The following PGM2 variants were observed in gnomAD, a reference collection of about 807,000 sequenced individuals.
The protein encoded by PGM2 is phosphoglucomutase 2.
PGM2 carries 57 observed loss-of-function variants against 74.6 expected under a neutral mutation model. The observed-to-expected ratio is 0.76, with a 90% CI of 0.62 to 0.95. PGM2 has a LOEUF of 0.95. Among genes scored for constraint, PGM2 ranks in the 40% least tolerant of loss-of-function variants. The pLI is 0.00. For missense variants in PGM2, 706 were observed against 741.9 expected (o/e 0.95, Z 0.56); for synonymous variants, 273 against 260.7 (o/e 1.05, Z -0.46).
chr4:37,855,781 A>G (rs370152276), intron 13 of PGM2, 40 bp downstream of exon 13: 36 of 1,549,802 alleles, frequency 2.3e-5, no homozygotes, highest in Non-Finnish European at 2.8e-5. Flanking sequence ...TTTACTCCCC[A>G]GACTTCCTAA....
rs71190924 is a variant in PGM2 at position 37,841,115 on chromosome 4, T to TG, written c.719+856_719+857insG. On this transcript the variant is annotated intron_variant, in intron 6 of 13. Coordinates refer to ENST00000381967, the MANE Select transcript of PGM2 (RefSeq NM_018290.4). ...ATATATATATATGTGTGTGTGTGTGTTTGTATATGTATAATATACTTCAAA... is the reference window on the plus strand; with the variant it reads ...ATATATATATATGTGTGTGTGTGTGTGTTGTATATGTATAATATACTTCAAA... 6.0e-3 allele frequency among the ~76,000 whole-genome samples: 875 copies of TG among 145,538 alleles called. 17 individuals are homozygous for TG. Among genetic ancestry groups the TG allele is most frequent in the African/African-American group, 0.021 (812 of 38,652 alleles).
In PGM2 at chr4:37,847,030, C is replaced by T; in HGVS notation, c.1107C>T (p.Leu369=). The T allele has an allele frequency of 1.2e-6, 2 of 1,613,524 alleles. No individual in the cohort carries two copies. Among genetic ancestry groups the T allele is most frequent in the East Asian group, 4.5e-5 (2 of 44,878 alleles). ...AGAAGAACCAGGATCGCAGTGCTCT[C>T]AAAGACACGTACATGTTGTCCAGCA... ...WKEKNQDRSA[L]KDTYMLSSTV... The change falls in exon 9 of 14, where the codon CTC becomes CTT. Residue 369 remains leucine (L), a synonymous_variant. Coordinates refer to ENST00000381967, the MANE Select transcript of PGM2 (RefSeq NM_018290.4).
At chr4:37,827,669 T>C (rs1577670191) in intron 1 of PGM2, among the ~76,000 whole-genome samples, 1 of 152,168 alleles carries the variant, frequency 6.6e-6, no homozygotes. Flanking sequence ...CAGTCTGTTA[T>C]TTTCCTTTAT....
chr4:37,847,338 A>G (rs1725905449), intron 10 of PGM2, 43 bp downstream of exon 10: 2 of 1,393,664 alleles, frequency 1.4e-6, no homozygotes, highest in Admixed American at 1.7e-5. Context: ...CTGCAAGGCA[A>G]AAGGAAAAGG....
At position 37,828,930 on chromosome 4, in the gene PGM2, C is replaced by G. The variant is rs374057351; in HGVS notation, c.82-1034C>G. ...AAAAAAGATGGGGTTTACTTGATTC[C>G]CATTGAATCTGCCACAATCTGGAAA... On this transcript the variant is annotated intron_variant, in intron 1 of 13. Transcript: ENST00000381967. Among the ~76,000 whole-genome samples, 18 of 152,250 alleles carry G rather than the reference C, an allele frequency of 1.2e-4. No homozygotes were observed. The East Asian group carries it at 2.7e-3, about 23-fold the overall frequency.
intron 8 of PGM2, among the ~76,000 whole-genome samples, chr4:37,846,293 GT>G (rs924755484): frequency 2.0e-5 from 3 of 151,842 alleles, no homozygotes; most frequent in African/African-American, 7.3e-5. Context: ...CCTATGTGAT[GT>G]TTTGGGGGCA....
At chr4:37,843,020 T>C (rs1725772371) in intron 6 of PGM2, among the ~76,000 whole-genome samples, 1 of 152,168 alleles carries the variant, frequency 6.6e-6, no homozygotes. Context: ...TATATTATCA[T>C]GCATGTTATA....
chr4:37,848,614 T>C lies in PGM2; in HGVS notation c.1375T>C (p.Leu459=), dbSNP rs762143211. 7 of 1,613,716 alleles carry C rather than the reference T, an allele frequency of 4.3e-6. No homozygotes were observed. The highest frequency in any genetic ancestry group is 3.4e-6 in the Non-Finnish European group (4 of 1,179,700). Residue 459 remains leucine (L), a synonymous_variant, in exon 11 of 14, where the codon TTG becomes CTG. Transcript: ENST00000381967. The stretch of plus-strand genomic sequence containing the variant: ...GGCTAGCTTCCTAGCAACCAAGAAT[T>C]TGTCTTTGTCTCAGCAACTAAAGGC... ...ELASFLATKN[L]SLSQQLKAIY...
rs190836949 is a variant in PGM2, at chr4:37,842,731, G to T, written c.720-1633G>T. On this transcript the variant is annotated intron_variant, in intron 6 of 13. Transcript: ENST00000381967. ...GCTGCAGTGCAGTGGCATGATCTTG[G>T]CTCACTGCGGCCTTGACCTCCCAGA... Among the ~76,000 whole-genome samples the T allele has an allele frequency of 1.4e-4, 22 of 151,918 alleles. No homozygotes were observed. In the East Asian group the frequency reaches 3.5e-3, roughly 24 times the overall value.
rs1294581583 is a variant in PGM2 at position 37,850,334 on chromosome 4, T to G, written c.1563T>G (p.Leu521=). ...GKFEISAIRD[L]TTGYDDSQPD... ...TTGAAATTTCTGCCATTAGGGACCTTACAACTGGCTATGATGATAGCCAAC... is the reference window on the plus strand; with the variant it reads ...TTGAAATTTCTGCCATTAGGGACCTGACAACTGGCTATGATGATAGCCAAC... The change falls in exon 12 of 14, where the codon CTT becomes CTG. Residue 521 remains leucine, a synonymous_variant. Coordinates refer to ENST00000381967, the MANE Select transcript of PGM2 (RefSeq NM_018290.4). 1 of 1,575,830 alleles carries G rather than the reference T, an allele frequency of 6.3e-7. No individual in the cohort carries two copies. The highest frequency in any genetic ancestry group is 8.6e-7 in the Non-Finnish European group (1 of 1,168,638).
chr4:37,845,383 G>T (rs1406435738), intron 7 of PGM2, among the ~76,000 whole-genome samples: 2 of 152,166 alleles, frequency 1.3e-5, no homozygotes, highest in African/African-American at 4.8e-5. Flanking sequence ...AGGCACACTG[G>T]TAGGCTTGGG....
intron 8 of PGM2, among the ~76,000 whole-genome samples, chr4:37,846,157 T>C (rs921456530): frequency 6.6e-6 from 1 of 152,138 alleles, no homozygotes; most frequent in Non-Finnish European, 1.5e-5. Context: ...AGGGAGGAAT[T>C]CCTGTGGGGT....
chr4:37,846,855 T>G (rs765465119), intron 8 of PGM2, 76 bp from the exon 9 acceptor site: 102 of 1,155,314 alleles, frequency 8.8e-5, no homozygotes, highest in Non-Finnish European at 1.2e-4. Context: ...CTAAATTGTT[T>G]TATCCCCATG....
At chr4:37,857,045 T>A (rs932114868) in intron 13 of PGM2, among the ~76,000 whole-genome samples, 3 of 152,186 alleles carry the variant, frequency 2.0e-5, no homozygotes, top group African/African-American at 7.2e-5. Flanking sequence ...AAATACTTGA[T>A]CTGTAGAGTT....
chr4:37,842,178 A>C (rs1018968273), intron 6 of PGM2, among the ~76,000 whole-genome samples: 6 of 147,800 alleles, frequency 4.1e-5, no homozygotes, highest in Admixed American at 3.4e-4. Flanking sequence ...TATACATATT[A>C]TATATACATA....
chr4:37,854,684 C>A (rs868270405), intron 12 of PGM2, among the ~76,000 whole-genome samples: 4,385 of 148,224 alleles, frequency 0.03, 89 homozygotes, highest in Middle Eastern at 0.066. Context: ...AAAAAAAAAA[C>A]AAAAAAAACT....
intron 13 of PGM2, among the ~76,000 whole-genome samples, chr4:37,860,891 G>A (rs937603584): frequency 3.3e-5 from 5 of 152,224 alleles, no homozygotes; most frequent in Admixed American, 6.6e-5. Flanking sequence ...CCAGATTCTT[G>A]TTTATACTTC....
intron 12 of PGM2, among the ~76,000 whole-genome samples, chr4:37,851,716 T>A (rs1212851405): frequency 6.6e-6 from 1 of 152,236 alleles, no homozygotes; most frequent in African/African-American, 2.4e-5. Context: ...TGTTTTGATA[T>A]ACCAGTTTTA....
Position 37,837,594 on chromosome 4 carries a change from T to C in PGM2, c.422T>C (p.Ile141Thr), listed in dbSNP as rs1386437293. The C allele has an allele frequency of 1.2e-5, 20 of 1,610,412 alleles. No individual in the cohort carries two copies. Among genetic ancestry groups the C allele is most frequent in the Non-Finnish European group, 1.6e-5 (19 of 1,176,662 alleles). ...QGIPVYLFSD[I>T]TPTPFVPFTV... ...ATTCCTGTGTACCTCTTTTCTGATATAACGCCAACCCCCTTTGTGGTAAGT... is the reference window on the plus strand; with the variant it reads ...ATTCCTGTGTACCTCTTTTCTGATACAACGCCAACCCCCTTTGTGGTAAGT... The change falls in exon 4 of 14, where the codon ATA (isoleucine) becomes ACA (threonine). Residue 141 changes from isoleucine (I) to threonine (T), a missense_variant. Transcript: ENST00000381967.
Sources: gnomAD v4.1 joint callset for allele counts (sites outside exome capture counted in the v4.1 genomes callset) on GRCh38, gnomAD v4.1.1 for gene constraint, MANE v1.5 for transcripts, NCBI Gene and HGNC (gene_info 2026-07-23, HGNC 2026-07-21) for gene names.